The following SERPINA1 variants were observed in gnomAD, a reference collection of about 807,000 sequenced individuals.
SERPINA1 encodes alpha-1-antitrypsin.
In SERPINA1, 21 loss-of-function variants were observed where a neutral mutation model predicts 25.4. The observed-to-expected ratio is 0.83, with a 90% CI of 0.59 to 1.19. The LOEUF is 1.19. Ranked by LOEUF, SERPINA1 falls within the 50% of genes most tolerant of loss-of-function variation. The pLI, the probability that SERPINA1 is intolerant of heterozygous loss-of-function variation, is 0.00. For synonymous variants in SERPINA1, 218 were observed against 211.1 expected (o/e 1.03, Z -0.29); for missense variants, 546 against 509.0 (o/e 1.07, Z -0.70).
rs560493769 is a variant in SERPINA1 at position 94,376,785 on chromosome 14, G to A, written c.*1664C>T. 50 of 152,280 alleles carry A rather than the reference G, an allele frequency of 3.3e-4. No homozygotes were observed. The highest frequency in any genetic ancestry group is 1.2e-3 in the African/African-American group (49 of 41,546). 9.4% of individuals were successfully genotyped at this position (152,280 alleles called of 1,614,324 possible). On this transcript the variant is annotated 3_prime_UTR_variant, in exon 5 of 5. Coordinates refer to ENST00000393087, the MANE Select transcript of SERPINA1 (RefSeq NM_000295.5). Reference sequence around the variant, plus strand: ...GTTCTATTTATTCTCTGTTCTAATGGGTATAAACATTTTGTTATCTAACTT... The same window carrying A: ...GTTCTATTTATTCTCTGTTCTAATGAGTATAAACATTTTGTTATCTAACTT...
chr14:94,378,448 G>A lies in SERPINA1; in HGVS notation c.*1C>T, dbSNP rs72547410. Reference sequence around the variant, plus strand: ...GGGAGGGGTTGAGGAGCGAGAGGCAGTTATTTTTGGGTGGGATTCACCACT... The same window carrying A: ...GGGAGGGGTTGAGGAGCGAGAGGCAATTATTTTTGGGTGGGATTCACCACT... On this transcript the variant is annotated 3_prime_UTR_variant, in exon 5 of 5. Coordinates refer to ENST00000393087, the MANE Select transcript of SERPINA1 (RefSeq NM_000295.5). 2.9e-4 allele frequency: 465 copies of A among 1,614,104 alleles called. 3 individuals carry two copies. In the South Asian group the frequency reaches 4.9e-3, roughly 17 times the overall value.
intron 3 of SERPINA1, 185 bp downstream of exon 3, chr14:94,380,686 A>G (rs528163176): frequency 2.3e-5 from 17 of 728,686 alleles, no homozygotes; most frequent in Middle Eastern, 3.8e-4. Context: ...CTCATGGAGC[A>G]TGGATGGCGC....
rs779427291 is a variant in SERPINA1, at chr14:94,378,680, C to G, written c.1066-40G>C. The G allele has an allele frequency of 5.6e-6, 9 of 1,609,328 alleles. No homozygotes were observed. In the South Asian group the frequency reaches 9.9e-5, roughly 18 times the overall value. ...AGCAGAGACACGTTGTAAGGCTGAT[C>G]CCAGGCCTCGAGCAAGGCTCACGTG... On this transcript the variant is annotated intron_variant, in intron 4 of 4. Coordinates refer to ENST00000393087, the MANE Select transcript of SERPINA1 (RefSeq NM_000295.5).
Position 94,383,157 on chromosome 14 carries a change from G to A in SERPINA1, c.81C>T (p.Pro27=). Reference sequence around the variant, plus strand: ...CTGTCTTCTGGGCAGCATCTCCCTGGGGATCCTCAGCCAGGGAGACAGGGA... The same window carrying A: ...CTGTCTTCTGGGCAGCATCTCCCTGAGGATCCTCAGCCAGGGAGACAGGGA... ...CLVPVSLAED[P]QGDAAQKTDT... The change falls in exon 2 of 5, where the codon CCC becomes CCT. Residue 27 remains proline (P), a synonymous_variant. Coordinates refer to ENST00000393087, the MANE Select transcript of SERPINA1 (RefSeq NM_000295.5). 1.2e-6 allele frequency: 2 copies of A among 1,614,184 alleles called. No homozygotes were observed. Among genetic ancestry groups the A allele is most frequent in the South Asian group, 2.2e-5 (2 of 91,084 alleles).
rs1896400350 is a variant in SERPINA1, at chr14:94,376,899, CA to C, written c.*1549del. 2 of 152,336 alleles carry C rather than the reference CA, an allele frequency of 1.3e-5. No homozygotes were observed. Among genetic ancestry groups the C allele is most frequent in the African/African-American group, 2.4e-5 (1 of 41,554 alleles). 9.4% of individuals were successfully genotyped at this position (152,336 alleles called of 1,614,324 possible). ...GACTTCACGAAGGTCACACAGCTGT[CA>C]GGGGGAAAAGTCAGAACTTGGATCC... is the stretch of plus-strand genomic sequence containing the variant. On this transcript the variant is annotated 3_prime_UTR_variant, in exon 5 of 5. Coordinates refer to ENST00000393087, the MANE Select transcript of SERPINA1 (RefSeq NM_000295.5).
At chr14:94,381,762 C>G (rs1195907407) in intron 2 of SERPINA1, among the ~76,000 whole-genome samples, 2 of 152,142 alleles carry the variant, frequency 1.3e-5, no homozygotes, top group Admixed American at 6.5e-5. Context: ...GGACCTGGGC[C>G]CCCACTAAGG....
intron 3 of SERPINA1, 141 bp from the exon 4 acceptor site, chr14:94,379,752 C>T (rs766841509): frequency 2.4e-5 from 28 of 1,171,952 alleles, no homozygotes; most frequent in African/African-American, 9.1e-5. Context: ...GATGGGAACT[C>T]GGCTTTGGTT....
At position 94,377,795 on chromosome 14, in the gene SERPINA1, G is replaced by A. The variant is rs1896468365; in HGVS notation, c.*654C>T. 1 of 154,146 alleles carries A rather than the reference G, an allele frequency of 6.5e-6. No homozygotes were observed. Among genetic ancestry groups the A allele is most frequent in the Admixed American group, 6.4e-5 (1 of 15,648 alleles). 9.5% of individuals were successfully genotyped at this position (154,146 alleles called of 1,614,324 possible). A position where few individuals can be genotyped will look rare whatever the true frequency, so the allele number is the denominator to read the frequency against. Reference sequence around the variant, plus strand: ...AGAATAGGTGTCCTTGTTGCCCCATGGAGAATGGGCTTCAGGAAGAATCTG... The same window carrying A: ...AGAATAGGTGTCCTTGTTGCCCCATAGAGAATGGGCTTCAGGAAGAATCTG... On this transcript the variant is annotated 3_prime_UTR_variant, in exon 5 of 5. Transcript: ENST00000393087.
chr14:94,385,520 G>T lies in SERPINA1; in HGVS notation c.-4-2279C>A, dbSNP rs540569743. Among the ~76,000 whole-genome samples, 11 of 152,354 alleles carry T rather than the reference G, an allele frequency of 7.2e-5. No individual in the cohort carries two copies. In the East Asian group the frequency reaches 1.5e-3, roughly 21 times the overall value. On this transcript the variant is annotated intron_variant, in intron 1 of 4. Transcript: ENST00000393087. ...ATTTTTGTATTTTTAGTAGAGCTGAGGTTTCACCGTGTTGGCCAGGCAGGT... is the reference window on the plus strand; with the variant it reads ...ATTTTTGTATTTTTAGTAGAGCTGATGTTTCACCGTGTTGGCCAGGCAGGT...
chr14:94,388,423 C>G (rs1897435540), intron 1 of SERPINA1, 137 bp downstream of exon 1: 1 of 152,418 alleles, frequency 6.6e-6, no homozygotes, highest in African/African-American at 2.4e-5. Context: ...TCAGCTGCAG[C>G]CTCTCCATCT....
chr14:94,379,210 C>A (rs1026758601), intron 4 of SERPINA1: 2 of 608,724 alleles, frequency 3.3e-6, no homozygotes, highest in Non-Finnish European at 5.8e-6. Context: ...AGGTCTTGGG[C>A]AAAGTTGAAA....
chr14:94,387,540 G>A (rs145728067), intron 1 of SERPINA1, among the ~76,000 whole-genome samples: 1 of 152,310 alleles, frequency 6.6e-6, no homozygotes, highest in East Asian at 1.9e-4. Context: ...GGGGACAGAA[G>A]TCAAAGGTTA....
At chr14:94,387,630 C>T (rs1897368337) in intron 1 of SERPINA1, among the ~76,000 whole-genome samples, 1 of 152,188 alleles carries the variant, frequency 6.6e-6, no homozygotes, top group Non-Finnish European at 1.5e-5. Context: ...AAGTCCAGCC[C>T]AGGTTTCCTG....
intron 1 of SERPINA1, among the ~76,000 whole-genome samples, chr14:94,387,200 G>C (rs1248577793): frequency 6.6e-6 from 1 of 152,208 alleles, no homozygotes; most frequent in Non-Finnish European, 1.5e-5. Flanking sequence ...AGGCCAGATT[G>C]CTCCACGTCA....
rs1595595410 is a variant in SERPINA1 at position 94,377,462 on chromosome 14, G to A, written c.*987C>T. The A allele has an allele frequency of 6.6e-6, 1 of 152,530 alleles. No individual in the cohort carries two copies. Among genetic ancestry groups the A allele is most frequent in the Middle Eastern group, 3.4e-3 (1 of 296 alleles). The allele number at this position is 152,530 out of a possible 1,614,324, so 9.4% of individuals were successfully genotyped here. A position where few individuals can be genotyped will look rare whatever the true frequency, so the allele number is the denominator to read the frequency against. ...GGCACAAAGAAGTCAGGCTGCATGTGGCCCCAGTCGGGACTCAGAGGAGGA... is the reference window on the plus strand; with the variant it reads ...GGCACAAAGAAGTCAGGCTGCATGTAGCCCCAGTCGGGACTCAGAGGAGGA... On this transcript the variant is annotated 3_prime_UTR_variant, in exon 5 of 5. Transcript: ENST00000393087.
intron 4 of SERPINA1, 145 bp from the exon 5 acceptor site, chr14:94,378,785 G>GAGGAGGAGCAAGGC: frequency 1.1e-6 from 1 of 889,848 alleles, no homozygotes; most frequent in Non-Finnish European, 1.8e-6. Context: ...CATAGGCCTT[G>GAGGAGGAGCAAGGC]CTCCTCCTCA....
Position 94,382,914 on chromosome 14 carries a change from G to A in SERPINA1, c.324C>T (p.Leu108=), listed in dbSNP as rs1555369128. 5.6e-6 allele frequency: 9 copies of A among 1,612,760 alleles called. No homozygotes were observed. Among genetic ancestry groups the A allele is most frequent in the Middle Eastern group, 1.6e-4 (1 of 6,082 alleles). Residue 108 remains leucine (L), a synonymous_variant, in exon 2 of 5, where the codon CTC becomes CTT. Transcript: ENST00000393087. ...GGATCTGAGCCTCCGGAATCTCCGT[G>A]AGGTTGAAATTCAGGCCCTCCAGGA... The part of the protein sequence containing the change: ...DEILEGLNFN[L]TEIPEAQIHE...
intron 2 of SERPINA1, 102 bp downstream of exon 2, chr14:94,382,490 A>G (rs1896998232): frequency 6.0e-6 from 8 of 1,344,426 alleles, no homozygotes; most frequent in South Asian, 1.2e-5. Flanking sequence ...AAGCATTGCT[A>G]TGGCCCATAA....
chr14:94,380,894 C>T lies in SERPINA1; in HGVS notation c.894G>A (p.Lys298=). 6.2e-7 allele frequency: 1 copy of T among 1,614,192 alleles called. No homozygotes were observed. The highest frequency in any genetic ancestry group is 8.5e-7 in the Non-Finnish European group (1 of 1,180,044). Residue 298 remains lysine, a synonymous_variant, in exon 3 of 5, where the codon AAG becomes AAA. Coordinates refer to ENST00000393087, the MANE Select transcript of SERPINA1 (RefSeq NM_000295.5). ...ACCTTCTGTCTTCATTTTCCAGGAA[C>T]TTGGTGATGATATCGTGGGTGAGTT... ...ENELTHDIIT[K]FLENEDRRSA...
Sources: gnomAD v4.1 joint callset for allele counts (sites outside exome capture counted in the v4.1 genomes callset) on GRCh38, gnomAD v4.1.1 for gene constraint, MANE v1.5 for transcripts, NCBI Gene and HGNC (gene_info 2026-07-23, HGNC 2026-07-21) for gene names.